The following GPC6 variants were observed in gnomAD, a reference collection of about 807,000 sequenced individuals.
GPC6 encodes glypican 6.
Under a neutral mutation model 55.2 loss-of-function variants are expected in GPC6, and 14 were observed. That is an observed-to-expected ratio of 0.25 (90% confidence interval 0.17 to 0.40). GPC6 has a LOEUF of 0.40. Ranked by LOEUF, GPC6 falls within the 10% of genes least tolerant of loss-of-function variation. The probability of loss-of-function intolerance (pLI) is 1.00; values close to 1 mark genes in which losing one functional copy is unlikely to be tolerated. For missense variants in GPC6, 641 were observed against 708.5 expected (o/e 0.90, Z 1.08); for synonymous variants, 278 against 259.6 (o/e 1.07, Z -0.68).
At chr13:93,244,154 C>G (rs573937005) in intron 1 of GPC6, among the ~76,000 whole-genome samples, 1 of 152,082 alleles carries the variant, frequency 6.6e-6, no homozygotes, top group Non-Finnish European at 1.5e-5. Context: ...GAACCACTTT[C>G]GCTGCATAAA....
intron 2 of GPC6, among the ~76,000 whole-genome samples, chr13:93,609,599 T>TC (rs1360146860): frequency 6.6e-6 from 1 of 152,130 alleles, no homozygotes; most frequent in Non-Finnish European, 1.5e-5. Flanking sequence ...TTGAAAACCC[T>TC]CCCCACTGTT....
chr13:94,134,567 T>A (rs1244494940), intron 4 of GPC6, among the ~76,000 whole-genome samples: 1 of 152,222 alleles, frequency 6.6e-6, no homozygotes, highest in Non-Finnish European at 1.5e-5. Flanking sequence ...ACCACATTAC[T>A]CATAAATGAG....
chr13:93,569,760 G>A (rs904111044), intron 2 of GPC6, among the ~76,000 whole-genome samples: 1 of 151,982 alleles, frequency 6.6e-6, no homozygotes, highest in Non-Finnish European at 1.5e-5. Flanking sequence ...TATACTTTTT[G>A]TACATGACAA....
intron 6 of GPC6, among the ~76,000 whole-genome samples, chr13:94,329,017 G>A (rs1877274994): frequency 6.6e-6 from 1 of 152,226 alleles, no homozygotes. Flanking sequence ...TGGAGCTCCT[G>A]AGGAAGAACC....
At chr13:93,302,968 T>A (rs1024161458) in intron 1 of GPC6, among the ~76,000 whole-genome samples, 4 of 152,080 alleles carry the variant, frequency 2.6e-5, no homozygotes, top group Admixed American at 6.5e-5. Context: ...AATGCCTATA[T>A]AAAAGAAAAA....
intron 4 of GPC6, among the ~76,000 whole-genome samples, chr13:94,216,814 A>G (rs1890238878): frequency 6.6e-6 from 1 of 152,154 alleles, no homozygotes; most frequent in South Asian, 2.1e-4. Context: ...AAAAGCAAAA[A>G]TGTTTCAAGT....
intron 4 of GPC6, among the ~76,000 whole-genome samples, chr13:94,152,638 A>G (rs1443137870): frequency 2.0e-5 from 3 of 149,896 alleles, no homozygotes; most frequent in Admixed American, 6.7e-5. Context: ...GCATATTGCT[A>G]CATCCTCAAG....
intron 3 of GPC6, among the ~76,000 whole-genome samples, chr13:93,958,386 G>A (rs1879608212): frequency 1.3e-5 from 2 of 152,108 alleles, no homozygotes; most frequent in South Asian, 4.1e-4. Context: ...TGTATATGGT[G>A]AAAGGTAAGA....
At chr13:93,634,722 G>C (rs1351966742) in intron 2 of GPC6, among the ~76,000 whole-genome samples, 1 of 152,172 alleles carries the variant, frequency 6.6e-6, no homozygotes, top group African/African-American at 2.4e-5. Context: ...AAGGAAGAAG[G>C]ACAAAGTAGT....
chr13:93,939,930 C>T (rs1174402976), intron 3 of GPC6, among the ~76,000 whole-genome samples: 1 of 152,038 alleles, frequency 6.6e-6, no homozygotes, highest in Non-Finnish European at 1.5e-5. Flanking sequence ...CCTAATAGAA[C>T]TCATCTAGAT....
At position 94,085,914 on chromosome 13, in the gene GPC6, A is replaced by G. The variant is rs941143543; in HGVS notation, c.877+58020A>G. Among the ~76,000 whole-genome samples the G allele has an allele frequency of 3.9e-5, 6 of 152,324 alleles. No homozygotes were observed. In the East Asian group the frequency reaches 9.6e-4, roughly 24 times the overall value. On this transcript the variant is annotated intron_variant, in intron 4 of 8. Transcript: ENST00000377047. ...ACCCATCTGTTTGACTTCAATTTAT[A>G]TAATATATAGTCAACTTACTCCTTA... is the stretch of plus-strand genomic sequence containing the variant.
At chr13:94,231,546 G>T (rs1355635355) in intron 4 of GPC6, among the ~76,000 whole-genome samples, 1 of 152,160 alleles carries the variant, frequency 6.6e-6, no homozygotes, top group African/African-American at 2.4e-5. Context: ...AAGGCATGAG[G>T]TTATTAAAAA....
chr13:93,895,073 T>G (rs189679714), intron 3 of GPC6, among the ~76,000 whole-genome samples: 1,606 of 150,462 alleles, frequency 0.011, 13 homozygotes, highest in Non-Finnish European at 0.015. Flanking sequence ...TATATATATT[T>G]TCACCTCTAA....
At chr13:94,191,993 C>A (rs1246957319) in intron 4 of GPC6, among the ~76,000 whole-genome samples, 1 of 152,078 alleles carries the variant, frequency 6.6e-6, no homozygotes. Context: ...AAAAATGAAA[C>A]CTATCCTCAT....
At position 93,912,398 on chromosome 13, in the gene GPC6, T is replaced by TGA. The variant is rs1226687572; in HGVS notation, c.711+81853_711+81854insGA. On this transcript the variant is annotated intron_variant, in intron 3 of 8. Transcript: ENST00000377047. ...TAATTCTTGTTCATGATAGGGTGTA[T>TGA]TAATTTCCTACAGCGGCTGTACCAA... 9.9e-5 allele frequency among the ~76,000 whole-genome samples: 15 copies of TGA among 152,270 alleles called. No homozygotes were observed. In the South Asian group the frequency reaches 1.9e-3, roughly 19 times the overall value.
chr13:93,702,568 A>T (rs561830550), intron 2 of GPC6, among the ~76,000 whole-genome samples: 1 of 152,100 alleles, frequency 6.6e-6, no homozygotes, highest in Admixed American at 6.6e-5. Context: ...TCCAGCTGTG[A>T]ATGTCCTCGA....
At chr13:93,867,874 A>C (rs1889016158) in intron 3 of GPC6, among the ~76,000 whole-genome samples, 1 of 151,778 alleles carries the variant, frequency 6.6e-6, no homozygotes. Context: ...AAGAGAATCC[A>C]TGTCTTGTTG....
At chr13:93,757,250 CAG>C (rs1884803662) in intron 2 of GPC6, among the ~76,000 whole-genome samples, 1 of 152,116 alleles carries the variant, frequency 6.6e-6, no homozygotes, top group South Asian at 2.1e-4. Context: ...ATGGAGACGT[CAG>C]AGTTCCAGAG....
rs532855490 is a variant in GPC6 at position 94,261,046 on chromosome 13, G to A, written c.878-25303G>A. ...CCTAGCACTTTGGGAGGCCAAGGTG[G>A]GTGGATCACTTGAGGTCAGGAGTTC... On this transcript the variant is annotated intron_variant, in intron 4 of 8. Transcript: ENST00000377047. Among the ~76,000 whole-genome samples the A allele has an allele frequency of 3.3e-5, 5 of 152,242 alleles. No homozygotes were observed. In the East Asian group the frequency reaches 9.6e-4, roughly 29 times the overall value.
Sources: allele counts gnomAD v4.1 joint callset (sites outside exome capture counted in the v4.1 genomes callset), GRCh38; gene constraint gnomAD v4.1.1; transcripts MANE v1.5; gene names NCBI Gene and HGNC (gene_info 2026-07-23, HGNC 2026-07-21).